SLC9C1: variants seen among roughly 807,000 people sequenced by gnomAD.
The protein encoded by SLC9C1 is solute carrier family 9 member C1.
Under a neutral mutation model 140.9 loss-of-function variants are expected in SLC9C1, and 97 were observed. That is an observed-to-expected ratio of 0.69 (90% CI 0.58 to 0.82). The LOEUF is 0.82. SLC9C1 is among the 40% of genes least tolerant of loss of function. The probability of loss-of-function intolerance (pLI) is 0.00; values close to 1 mark genes in which losing one functional copy is unlikely to be tolerated. For synonymous variants in SLC9C1, 440 were observed against 442.6 expected (o/e 0.99, Z 0.07); for missense variants, 1,340 against 1,389.3 (o/e 0.96, Z 0.56).
At chr3:112,172,068 C>A (rs983663956) in intron 23 of SLC9C1, among the ~76,000 whole-genome samples, 14 of 152,014 alleles carry the variant, frequency 9.2e-5, no homozygotes, top group African/African-American at 3.4e-4. Context: ...TTTGTTTTGC[C>A]TATTATAGGT....
chr3:112,193,634 G>A (rs371351670), intron 20 of SLC9C1, among the ~76,000 whole-genome samples: 5 of 152,094 alleles, frequency 3.3e-5, no homozygotes, highest in Non-Finnish European at 7.4e-5. Context: ...GGGTCATTGG[G>A]CAGGCCAGGG....
At chr3:112,281,268 AC>A (rs2080350244) in intron 2 of SLC9C1, among the ~76,000 whole-genome samples, 1 of 152,184 alleles carries the variant, frequency 6.6e-6, no homozygotes, top group Non-Finnish European at 1.5e-5. Context: ...ACAATCCGAC[AC>A]CATCGCCCTT....
intron 6 of SLC9C1, among the ~76,000 whole-genome samples, chr3:112,270,754 TGTA>T (rs2080050378): frequency 6.6e-6 from 1 of 151,096 alleles, no homozygotes; most frequent in African/African-American, 2.4e-5. Flanking sequence ...AGGCAGAGGT[TGTA>T]GTGAGCCGAG....
intron 10 of SLC9C1, among the ~76,000 whole-genome samples, chr3:112,255,052 G>A (rs750574286): frequency 3.3e-5 from 5 of 152,122 alleles, no homozygotes; most frequent in Non-Finnish European, 5.9e-5. Flanking sequence ...AAATATTAAT[G>A]CACCTAACAG....
Position 112,278,777 on chromosome 3 carries a change from A to C in SLC9C1, c.270T>G (p.Thr90=). The C allele has an allele frequency of 3.7e-6, 6 of 1,611,066 alleles. No individual in the cohort carries two copies. The highest frequency in any genetic ancestry group is 5.1e-6 in the Non-Finnish European group (6 of 1,178,776). The change falls in exon 4 of 29, where the codon ACT becomes ACG. Residue 90 remains threonine, a synonymous_variant. Transcript: ENST00000305815. ...FRIFTPVVFF[T]TAFDMDTYML... ...TGTACGTATCCATGTCAAATGCAGT[A>C]GTAAAGAAAACTACTGGTGTAAATA...
At chr3:112,223,334 A>G (rs142471579) in intron 13 of SLC9C1, among the ~76,000 whole-genome samples, 191 of 152,246 alleles carry the variant, frequency 1.3e-3, no homozygotes, top group African/African-American at 4.3e-3. Flanking sequence ...GCACAAAGAG[A>G]TTTCAGAACA....
intron 13 of SLC9C1, among the ~76,000 whole-genome samples, chr3:112,227,579 G>A (rs2078715942): frequency 6.6e-6 from 1 of 152,084 alleles, no homozygotes; most frequent in Non-Finnish European, 1.5e-5. Context: ...TACAAGGAAT[G>A]TACCTAAATA....
At chr3:112,152,005 C>T in intron 27 of SLC9C1, 42 bp from the exon 28 acceptor site, 1 of 1,502,358 alleles carries the variant, frequency 6.7e-7, no homozygotes, top group Non-Finnish European at 9.0e-7. Context: ...CATGATAGGC[C>T]TTTTGAAGGG....
At chr3:112,173,181 G>GT (rs992139640) in intron 23 of SLC9C1, among the ~76,000 whole-genome samples, 1 of 152,096 alleles carries the variant, frequency 6.6e-6, no homozygotes, top group African/African-American at 2.4e-5. Context: ...GCATGGAGTT[G>GT]TTTTTGTGGG....
At chr3:112,241,964 A>G (rs370891366) in intron 11 of SLC9C1, among the ~76,000 whole-genome samples, 6 of 152,346 alleles carry the variant, frequency 3.9e-5, no homozygotes, top group East Asian at 1.9e-4. Flanking sequence ...TGGATTAAAT[A>G]TTTAAATGTA....
At chr3:112,254,289 A>C (rs931224500) in intron 10 of SLC9C1, among the ~76,000 whole-genome samples, 4 of 152,186 alleles carry the variant, frequency 2.6e-5, no homozygotes, top group Non-Finnish European at 5.9e-5. Context: ...CACAATCATC[A>C]GATTTTACAA....
chr3:112,195,576 G>A (rs1292241850), intron 20 of SLC9C1, among the ~76,000 whole-genome samples: 3 of 151,902 alleles, frequency 2.0e-5, no homozygotes, highest in Non-Finnish European at 4.4e-5. Flanking sequence ...TTTTAAAATA[G>A]TGAAACATTT....
At chr3:112,149,164 G>C (rs114940143) in intron 28 of SLC9C1, among the ~76,000 whole-genome samples, 16 of 152,222 alleles carry the variant, frequency 1.1e-4, no homozygotes, top group African/African-American at 3.4e-4. Flanking sequence ...CACAGGAAGT[G>C]GGGGGAGCAG....
At chr3:112,198,770 A>T (rs1273982904) in intron 20 of SLC9C1, among the ~76,000 whole-genome samples, 1 of 151,964 alleles carries the variant, frequency 6.6e-6, no homozygotes, top group East Asian at 1.9e-4. Flanking sequence ...CACTACTATT[A>T]TGCTAAGAAA....
intron 8 of SLC9C1, among the ~76,000 whole-genome samples, chr3:112,265,774 A>G (rs2079901336): frequency 6.6e-6 from 1 of 152,042 alleles, no homozygotes; most frequent in South Asian, 2.1e-4. Context: ...TCCTCTTCAA[A>G]TGCCCCAGCT....
intron 26 of SLC9C1, among the ~76,000 whole-genome samples, chr3:112,165,126 G>A (rs1560019481): frequency 6.6e-6 from 1 of 152,068 alleles, no homozygotes; most frequent in Admixed American, 6.6e-5. Flanking sequence ...GCTCCCTCAG[G>A]TCCTTTAAGG....
chr3:112,146,415 T>C (rs1416235602), intron 28 of SLC9C1, among the ~76,000 whole-genome samples: 3 of 152,206 alleles, frequency 2.0e-5, no homozygotes, highest in South Asian at 2.1e-4. Context: ...GATTGTTAAT[T>C]TGAGATCTTT....
chr3:112,223,967 C>T (rs949954054), intron 13 of SLC9C1, among the ~76,000 whole-genome samples: 47 of 152,314 alleles, frequency 3.1e-4, no homozygotes, highest in African/African-American at 1.0e-3. Flanking sequence ...TGCTGGCTAA[C>T]CAGCCCCTTG....
At chr3:112,144,326 C>CA (rs1339645029) in intron 28 of SLC9C1, among the ~76,000 whole-genome samples, 1 of 151,852 alleles carries the variant, frequency 6.6e-6, no homozygotes, top group South Asian at 2.1e-4. Flanking sequence ...TACAGGTACC[C>CA]ACCATCAAGC....
Sources: allele counts gnomAD v4.1 joint callset (sites outside exome capture counted in the v4.1 genomes callset), GRCh38; gene constraint gnomAD v4.1.1; transcripts MANE v1.5; gene names NCBI Gene and HGNC (gene_info 2026-07-23, HGNC 2026-07-21).